Variants in RAB1B observed in about 807,000 individuals in gnomAD.
RAB1B encodes the protein ras-related protein Rab-1B.
A neutral mutation model predicts 24.8 loss-of-function variants in RAB1B; 10 were observed. That is an observed-to-expected ratio of 0.40 (90% CI 0.25 to 0.68). The LOEUF (loss-of-function observed/expected upper bound fraction) is 0.68. Among genes scored for constraint, RAB1B ranks in the 30% least tolerant of loss-of-function variants. RAB1B has a pLI of 0.37. For missense variants in RAB1B, 154 were observed against 271.2 expected (o/e 0.57, Z 3.04); for synonymous variants, 99 against 111.7 (o/e 0.89, Z 0.72).
intron 1 of RAB1B, chr11:66,271,488 CAAAAAAAAAAAAAAAA>C (rs71270565): frequency 6.2e-5 from 3 of 48,492 alleles, no homozygotes; most frequent in Non-Finnish European, 1.2e-4. Flanking sequence ...AACTCAGTCT[CAAAAAAAAAAAAAAAA>C]AAAAAAAAAA....
In RAB1B at chr11:66,268,654, CG is replaced by C. The variant is rs1856981937; in HGVS notation, c.-25del. ...GAGGCGGAGCAGAGTCGACTGGGAG[CG>C]ACCGAGCGGGCCGCCGCCGCCGCCA... On this transcript the variant is annotated 5_prime_UTR_variant, in exon 1 of 6. Transcript: ENST00000311481. 2 of 1,560,170 alleles carry C rather than the reference CG, an allele frequency of 1.3e-6. No individual in the cohort carries two copies. Among genetic ancestry groups the C allele is most frequent in the Admixed American group, 4.0e-5 (2 of 50,534 alleles).
chr11:66,272,283 A>G, intron 3 of RAB1B, 31 bp downstream of exon 3: 1 of 1,601,700 alleles, frequency 6.2e-7, no homozygotes, highest in South Asian at 1.1e-5. Context: ...AATCCCCAGT[A>G]CAGAGGTATC....
intron 1 of RAB1B, among the ~76,000 whole-genome samples, chr11:66,269,032 A>T (rs1313298056): frequency 6.6e-6 from 1 of 151,858 alleles, no homozygotes; most frequent in East Asian, 1.9e-4. Context: ...GCTGCTTGAC[A>T]ACTGTCCCGG....
At position 66,277,152 on chromosome 11, in the gene RAB1B, C is replaced by T. The variant is rs1282165683; in HGVS notation, c.*914C>T. 6.5e-6 allele frequency: 1 copy of T among 152,794 alleles called. No homozygotes were observed. The highest frequency in any genetic ancestry group is 1.5e-5 in the Non-Finnish European group (1 of 68,116). The allele number at this position is 152,794 out of a possible 1,614,324, so 9.5% of individuals were successfully genotyped here. ...CTACTTCTCTGGGGAATGTGGGTTCCATCCAGGATTGGGGGCCTCTCTGCT... is the reference window on the plus strand; with the variant it reads ...CTACTTCTCTGGGGAATGTGGGTTCTATCCAGGATTGGGGGCCTCTCTGCT... On this transcript the variant is annotated 3_prime_UTR_variant, in exon 6 of 6. Coordinates refer to ENST00000311481, the MANE Select transcript of RAB1B (RefSeq NM_030981.3).
chr11:66,270,681 C>G (rs541583641), intron 1 of RAB1B: 2 of 152,396 alleles, frequency 1.3e-5, no homozygotes, highest in East Asian at 3.9e-4. Flanking sequence ...TCCCCAGTAG[C>G]TGGAACCACA....
rs1359853629 is a variant in RAB1B at position 66,276,216 on chromosome 11, C to T, written c.584C>T (p.Pro195Leu). Residue 195 changes from proline (P) to leucine (L), a missense_variant, in exon 6 of 6, where the codon CCG becomes CTG. Physicochemically the swap from Pro to Leu is moderately conservative, Grantham distance 98. This residue lies in a region of RAB1B where 77 missense variants were observed against 97.8 expected (regional missense o/e 0.79). Coordinates refer to ENST00000311481, the MANE Select transcript of RAB1B (RefSeq NM_030981.3). ...AAGATCGACAGCACCCCTGTAAAGC[C>T]GGCTGGCGGTGGCTGTTGCTAGGAG... ...NLKIDSTPVK[P>L]AGGGCC 8.2e-6 allele frequency: 13 copies of T among 1,594,900 alleles called. No homozygotes were observed. Among genetic ancestry groups the T allele is most frequent in the Admixed American group, 1.8e-5 (1 of 54,144 alleles).
Position 66,272,442 on chromosome 11 carries a change from G to A in RAB1B, c.261G>A (p.Val87=), listed in dbSNP as rs552874848. The change falls in exon 4 of 6, where the codon GTG becomes GTA. Residue 87 remains valine (V), a synonymous_variant. Coordinates refer to ENST00000311481, the MANE Select transcript of RAB1B (RefSeq NM_030981.3). ...GGGGGGCTCATGGCATCATCGTGGT[G>A]TATGACGTCACTGACCAGGTACTCC... is the stretch of plus-strand genomic sequence containing the variant. The part of the protein sequence containing the change: ...YYRGAHGIIV[V]YDVTDQESYA... 6 of 1,597,052 alleles carry A rather than the reference G, an allele frequency of 3.8e-6. No individual in the cohort carries two copies. The highest frequency in any genetic ancestry group is 3.4e-5 in the Admixed American group (2 of 59,046).
Position 66,277,373 on chromosome 11 carries a change from C to G in RAB1B, c.*1135C>G, listed in dbSNP as rs1484624045. ...GGGGTGCCCCCCGCTCCCAGGTTCC[C>G]CTCTGGTGTCATGTCAGGCATTTTG... On this transcript the variant is annotated 3_prime_UTR_variant, in exon 6 of 6. Transcript: ENST00000311481. The G allele has an allele frequency of 6.6e-6, 1 of 152,648 alleles. No individual in the cohort carries two copies. The highest frequency in any genetic ancestry group is 1.5e-5 in the Non-Finnish European group (1 of 68,076). 9.5% of individuals were successfully genotyped at this position (152,648 alleles called of 1,614,324 possible).
At position 66,271,838 on chromosome 11, in the gene RAB1B, T is replaced by G; in HGVS notation, c.56T>G (p.Val19Gly). Residue 19 changes from valine to glycine, a missense_variant, in exon 2 of 6, where the codon GTG (valine) becomes GGG (glycine). Val to Gly is a moderately radical substitution (Grantham distance 109). Transcript: ENST00000311481. ...CTGCTTTTGATTGGCGACTCAGGCG[T>G]GGGCAAGTCATGCCTGCTCCTGCGG... The part of the protein sequence containing the change: ...FKLLLIGDSG[V>G]GKSCLLLRFA... 6.2e-7 allele frequency: 1 copy of G among 1,614,134 alleles called. No individual in the cohort carries two copies. The highest frequency in any genetic ancestry group is 8.5e-7 in the Non-Finnish European group (1 of 1,180,020).
intron 2 of RAB1B, 51 bp from the exon 3 acceptor site, chr11:66,272,105 GT>G: frequency 7.5e-7 from 1 of 1,338,458 alleles, no homozygotes; most frequent in Non-Finnish European, 1.1e-6. Context: ...GGCTCTCCAA[GT>G]GGGCCTCACC....
chr11:66,268,900 C>G (rs571747644), intron 1 of RAB1B, among the ~76,000 whole-genome samples: 2 of 151,382 alleles, frequency 1.3e-5, no homozygotes, highest in East Asian at 3.9e-4. Flanking sequence ...CCCTCGCACC[C>G]GGGGCCCAGA....
At position 66,276,807 on chromosome 11, in the gene RAB1B, C is replaced by G. The variant is rs554483561; in HGVS notation, c.*569C>G. 2.1e-5 allele frequency: 3 copies of G among 139,584 alleles called. No individual in the cohort carries two copies. Among genetic ancestry groups the G allele is most frequent in the African/African-American group, 5.4e-5 (2 of 37,036 alleles). 8.6% of individuals were successfully genotyped at this position (139,584 alleles called of 1,614,324 possible). A position where few individuals can be genotyped will look rare whatever the true frequency, so the allele number is the denominator to read the frequency against. Reference sequence around the variant, plus strand: ...CCTCTCCCTTCCTACACTCCCAGCTCGAGCCGTCCAGCTGCGGTGGGATCT... The same window carrying G: ...CCTCTCCCTTCCTACACTCCCAGCTGGAGCCGTCCAGCTGCGGTGGGATCT... On this transcript the variant is annotated 3_prime_UTR_variant, in exon 6 of 6. Coordinates refer to ENST00000311481, the MANE Select transcript of RAB1B (RefSeq NM_030981.3).
chr11:66,269,852 A>G (rs978079724), intron 1 of RAB1B: 1 of 151,940 alleles, frequency 6.6e-6, no homozygotes, highest in Admixed American at 6.6e-5. Context: ...ACTCAAGTAT[A>G]TTAAATGTGA....
At chr11:66,270,777 C>G (rs1342129489) in intron 1 of RAB1B, 2 of 152,320 alleles carry the variant, frequency 1.3e-5, no homozygotes, top group African/African-American at 2.4e-5. Flanking sequence ...GCTTCTACTT[C>G]TGGGGCCTTC....
intron 1 of RAB1B, 104 bp from the exon 2 acceptor site, chr11:66,271,693 C>T: frequency 2.5e-6 from 2 of 793,090 alleles, no homozygotes; most frequent in East Asian, 2.5e-5. Context: ...AAAAATAAAC[C>T]AAGGGATGCC....
chr11:66,271,711 G>A (rs952911303), intron 1 of RAB1B, 86 bp from the exon 2 acceptor site: 59 of 931,212 alleles, frequency 6.3e-5, no homozygotes, highest in Non-Finnish European at 9.2e-5. Flanking sequence ...GCCTCATGGG[G>A]TGGGGGAATC....
chr11:66,275,306 TAGGCTGTTCCCAGG>T (rs1413289042), intron 4 of RAB1B, among the ~76,000 whole-genome samples: 1 of 152,166 alleles, frequency 6.6e-6, no homozygotes, highest in Non-Finnish European at 1.5e-5. Context: ...GGATGAATTT[TAGGCTGTTCCCAGG>T]ATTCCTGTCT....
intron 4 of RAB1B, 54 bp downstream of exon 4, chr11:66,272,514 C>T: frequency 8.3e-7 from 1 of 1,198,284 alleles, no homozygotes; most frequent in Non-Finnish European, 1.2e-6. Context: ...AGGTCTTTGA[C>T]TCTTCTTTTT....
intron 2 of RAB1B, 41 bp downstream of exon 2, chr11:66,271,910 A>C (rs1658386701): frequency 6.6e-7 from 1 of 1,517,650 alleles, no homozygotes. Flanking sequence ...TGGGGTCCTG[A>C]CTGGCAGCTG....
Sources: gnomAD v4.1 joint callset for allele counts (sites outside exome capture counted in the v4.1 genomes callset) on GRCh38, gnomAD v4.1.1 for gene constraint, gnomAD v4.1.1 regional missense constraint, MANE v1.5 for transcripts, NCBI Gene and HGNC (gene_info 2026-07-23, HGNC 2026-07-21) for gene names.